The following PCYT1A variants were observed in gnomAD, a reference collection of about 807,000 sequenced individuals.
PCYT1A encodes choline-phosphate cytidylyltransferase A.
Under a neutral mutation model 43.7 loss-of-function variants are expected in PCYT1A, and 25 were observed. The ratio of observed to expected loss-of-function variants is 0.57; its 90% CI spans 0.42 to 0.80. The LOEUF (loss-of-function observed/expected upper bound fraction) is 0.80. Ranked by LOEUF, PCYT1A falls within the 30% of genes least tolerant of loss-of-function variation. PCYT1A has a pLI of 0.00. For missense variants in PCYT1A, 421 were observed against 474.2 expected, an observed-to-expected ratio of 0.89 and a Z score of 1.04; for synonymous variants, 172 against 170.7, an observed-to-expected ratio of 1.01 and a Z score of -0.06.
intron 5 of PCYT1A, among the ~76,000 whole-genome samples, chr3:196,243,424 C>G (rs985974973): frequency 2.6e-5 from 4 of 152,174 alleles, no homozygotes; most frequent in African/African-American, 7.2e-5. Flanking sequence ...CAACCACGAG[C>G]CCTCTGACTG....
In PCYT1A at chr3:196,242,884, C is replaced by G. The variant is rs191886628; in HGVS notation, c.487-244G>C. Reference sequence around the variant, plus strand: ...AGCTATTTCTCCTAGTCTGCTAGAACTGTTACCCTCACTCTGTATACCAGT... The same window carrying G: ...AGCTATTTCTCCTAGTCTGCTAGAAGTGTTACCCTCACTCTGTATACCAGT... On this transcript the variant is annotated intron_variant, in intron 5 of 8. Coordinates refer to ENST00000431016, the MANE Select transcript of PCYT1A (RefSeq NM_001312673.2). The surrounding 1 kb of genome is among the most constrained non-coding windows in gnomAD (Gnocchi z 4.2). 4.9e-4 allele frequency: 259 copies of G among 528,460 alleles called. 4 individuals carry two copies. Among genetic ancestry groups the G allele is most frequent in the African/African-American group, 4.4e-3 (231 of 52,358 alleles). The allele number at this position is 528,460 out of a possible 1,614,324, so 32.7% of individuals were successfully genotyped here.
In PCYT1A at chr3:196,268,124, TTA is replaced by T. The variant is rs775959225; in HGVS notation, c.117+2289_117+2290del. On this transcript the variant is annotated intron_variant, in intron 2 of 8. Coordinates refer to ENST00000431016, the MANE Select transcript of PCYT1A (RefSeq NM_001312673.2). This position sits in a 1 kb window ranked among gnomAD's most constrained non-coding sequence, Gnocchi z 4.4. ...AAGCATTAAGACTCCCCAGAAGAAT[TTA>T]AAAAAAAAAAAGATTCCCAGAGTCT... 1.6e-5 allele frequency among the ~76,000 whole-genome samples: 2 copies of T among 123,034 alleles called. No homozygotes were observed. Among genetic ancestry groups the T allele is most frequent in the African/African-American group, 3.3e-5 (1 of 30,170 alleles). 80.7% of individuals were successfully genotyped at this position (123,034 alleles called of 152,430 possible).
intron 1 of PCYT1A, among the ~76,000 whole-genome samples, chr3:196,285,815 G>A (rs993215902): frequency 6.6e-6 from 1 of 152,082 alleles, no homozygotes; most frequent in Non-Finnish European, 1.5e-5. Context: ...CATTCTCAAT[G>A]TCTTTTTACT....
chr3:196,268,476 C>A lies in PCYT1A; in HGVS notation c.117+1939G>T, dbSNP rs1337675060. 6.6e-6 allele frequency among the ~76,000 whole-genome samples: 1 copy of A among 152,118 alleles called. No homozygotes were observed. Among genetic ancestry groups the A allele is most frequent in the Non-Finnish European group, 1.5e-5 (1 of 68,022 alleles). ...TTCCCTGGAGCCTGTGACTGTTTTACCATACATGGCAAAAGAGACTCTGCA... is the reference window on the plus strand; with the variant it reads ...TTCCCTGGAGCCTGTGACTGTTTTAACATACATGGCAAAAGAGACTCTGCA... On this transcript the variant is annotated intron_variant, in intron 2 of 8. Transcript: ENST00000431016. The surrounding 1 kb of genome is among the most constrained non-coding windows in gnomAD (Gnocchi z 4.4).
rs112240741 is a variant in PCYT1A, at chr3:196,247,925, CA to C, written c.334+281del. ...CAAAATGATAAACTGAAATCTAAAG[CA>C]AATGTTTTAAAGTGGACAACGGAAG... On this transcript the variant is annotated intron_variant, in intron 4 of 8. Coordinates refer to ENST00000431016, the MANE Select transcript of PCYT1A (RefSeq NM_001312673.2). The surrounding 1 kb of genome is among the most constrained non-coding windows in gnomAD (Gnocchi z 4.8). 0.13 allele frequency: 67,544 copies of C among 501,364 alleles called. 5,065 individuals are homozygous for C. Among genetic ancestry groups the C allele is most frequent in the South Asian group, 0.2 (9,575 of 47,482 alleles). The allele number at this position is 501,364 out of a possible 1,614,324, so 31.1% of individuals were successfully genotyped here. A position where few individuals can be genotyped will look rare whatever the true frequency, so the allele number is the denominator to read the frequency against.
At chr3:196,243,540 G>A (rs1052892406) in intron 5 of PCYT1A, among the ~76,000 whole-genome samples, 1 of 139,800 alleles carries the variant, frequency 7.2e-6, no homozygotes, top group Non-Finnish European at 1.5e-5. Flanking sequence ...CTCTCCCCAC[G>A]GTCTCCCTCT....
In PCYT1A at chr3:196,247,791, G is replaced by C; in HGVS notation, c.335-273C>G. ...AGATCTTTGACTCTGAAATAAACCT[G>C]CTGTGCGTGTCTGCATCAATTAAGT... On this transcript the variant is annotated intron_variant, in intron 4 of 8. Coordinates refer to ENST00000431016, the MANE Select transcript of PCYT1A (RefSeq NM_001312673.2). The surrounding 1 kb of genome is among the most constrained non-coding windows in gnomAD (Gnocchi z 4.8). The C allele has an allele frequency of 1.6e-6, 1 of 607,236 alleles. No individual in the cohort carries two copies. The highest frequency in any genetic ancestry group is 3.0e-6 in the Non-Finnish European group (1 of 330,014). 37.6% of individuals were successfully genotyped at this position (607,236 alleles called of 1,614,324 possible).
At chr3:196,255,155 T>A (rs1724916626) in intron 3 of PCYT1A, among the ~76,000 whole-genome samples, 1 of 152,212 alleles carries the variant, frequency 6.6e-6, no homozygotes, top group Non-Finnish European at 1.5e-5. Context: ...TACTTGGTGA[T>A]TTAACATAAA....
rs143803501 is a variant in PCYT1A at position 196,281,605 on chromosome 3, C to G, written c.-11+6010G>C. Among the ~76,000 whole-genome samples the G allele has an allele frequency of 8.9e-4, 135 of 152,314 alleles. 1 individual carries two copies. Among genetic ancestry groups the G allele is most frequent in the African/African-American group, 3.1e-3 (127 of 41,568 alleles). The stretch of plus-strand genomic sequence containing the variant: ...TGACCTGCAAACCCTAAACTATTTA[C>G]AATCTGGCCCGTTACTGAAAAAGTT... On this transcript the variant is annotated intron_variant, in intron 1 of 8. Coordinates refer to ENST00000431016, the MANE Select transcript of PCYT1A (RefSeq NM_001312673.2).
chr3:196,282,126 C>G lies in PCYT1A; in HGVS notation c.-11+5489G>C, dbSNP rs1382856592. 6.6e-6 allele frequency among the ~76,000 whole-genome samples: 1 copy of G among 152,216 alleles called. No homozygotes were observed. The highest frequency in any genetic ancestry group is 2.4e-5 in the African/African-American group (1 of 41,464). ...AAGACCTTAGCTTTGAACTGGATCT[C>G]TTCCCTCTAATTTCGTCAGAGAAAC... is the stretch of plus-strand genomic sequence containing the variant. On this transcript the variant is annotated intron_variant, in intron 1 of 8. Transcript: ENST00000431016. The surrounding 1 kb of genome is among the most constrained non-coding windows in gnomAD (Gnocchi z 4.3).
rs1364619219 is a variant in PCYT1A at position 196,273,036 on chromosome 3, G to T, written c.-10-2495C>A. On this transcript the variant is annotated intron_variant, in intron 1 of 8. Transcript: ENST00000431016. The surrounding 1 kb of genome is among the most constrained non-coding windows in gnomAD (Gnocchi z 4.1). ...GAGGTGCACAGGCGAGCCAGCACAG[G>T]GTCCGGCCACTGCGCACAGCCAGGC... Among the ~76,000 whole-genome samples the T allele has an allele frequency of 6.6e-6, 1 of 152,212 alleles. No homozygotes were observed. Among genetic ancestry groups the T allele is most frequent in the African/African-American group, 2.4e-5 (1 of 41,458 alleles).
rs1724107703 is a variant in PCYT1A, at chr3:196,234,368, T to A, written c.*4320A>T. Reference sequence around the variant, plus strand: ...TAAAAACACCACTGGACATGGAACATCAGGTAAAACCACACTGCCTTTATT... The same window carrying A: ...TAAAAACACCACTGGACATGGAACAACAGGTAAAACCACACTGCCTTTATT... On this transcript the variant is annotated 3_prime_UTR_variant, in exon 9 of 9. Transcript: ENST00000431016. The A allele has an allele frequency of 6.6e-6, 1 of 152,092 alleles. No individual in the cohort carries two copies. Among genetic ancestry groups the A allele is most frequent in the Non-Finnish European group, 1.5e-5 (1 of 68,012 alleles). The allele number at this position is 152,092 out of a possible 1,614,324, so 9.4% of individuals were successfully genotyped here. A position where few individuals can be genotyped will look rare whatever the true frequency, so the allele number is the denominator to read the frequency against.
chr3:196,244,073 C>T (rs1393899279), intron 5 of PCYT1A, among the ~76,000 whole-genome samples: 7 of 150,304 alleles, frequency 4.7e-5, no homozygotes, highest in East Asian at 2.0e-4. Flanking sequence ...GGCCGCCCAT[C>T]GTCTGAGATG....
At chr3:196,257,664 C>G in intron 3 of PCYT1A, 124 bp downstream of exon 3, 1 of 597,638 alleles carries the variant, frequency 1.7e-6, no homozygotes, top group Non-Finnish European at 3.0e-6. Flanking sequence ...GAGAAGAACC[C>G]CTTCGCTGCT....
intron 2 of PCYT1A, among the ~76,000 whole-genome samples, chr3:196,269,717 T>C (rs946760957): frequency 2.0e-5 from 3 of 152,020 alleles, no homozygotes; most frequent in African/African-American, 7.3e-5. Context: ...AAAAAGGTTC[T>C]CATCTAAGAT....
At chr3:196,284,661 T>C (rs909000582) in intron 1 of PCYT1A, among the ~76,000 whole-genome samples, 2 of 152,170 alleles carry the variant, frequency 1.3e-5, no homozygotes, top group African/African-American at 4.8e-5. Context: ...AAAACCCCAC[T>C]GCTTATGGGA....
rs903068270 is a variant in PCYT1A at position 196,236,394 on chromosome 3, A to C, written c.*2294T>G. On this transcript the variant is annotated 3_prime_UTR_variant, in exon 9 of 9. Coordinates refer to ENST00000431016, the MANE Select transcript of PCYT1A (RefSeq NM_001312673.2). ...CAAAGAGAGAAGGCTGACGCAGAAA[A>C]GTTCAAAGATGAGACTATGTAACAC... 1.3e-5 allele frequency: 2 copies of C among 152,290 alleles called. No homozygotes were observed. Among genetic ancestry groups the C allele is most frequent in the East Asian group, 3.8e-4 (2 of 5,206 alleles). The allele number at this position is 152,290 out of a possible 1,614,324, so 9.4% of individuals were successfully genotyped here.
Position 196,277,731 on chromosome 3 carries a change from C to T in PCYT1A, c.-10-7190G>A, listed in dbSNP as rs1442029841. On this transcript the variant is annotated intron_variant, in intron 1 of 8. Transcript: ENST00000431016. The surrounding 1 kb of genome is among the most constrained non-coding windows in gnomAD (Gnocchi z 4.1). ...ACTAAAAATACAAAAATTAGCTGAG[C>T]GTGGTGGCATGCACCTGTAATCCCA... is the stretch of plus-strand genomic sequence containing the variant. Among the ~76,000 whole-genome samples the T allele has an allele frequency of 1.3e-5, 2 of 151,990 alleles. No homozygotes were observed. Among genetic ancestry groups the T allele is most frequent in the African/African-American group, 2.4e-5 (1 of 41,418 alleles).
At position 196,247,524 on chromosome 3, in the gene PCYT1A, TCAC is replaced by T. The variant is rs746513301; in HGVS notation, c.335-9_335-7del. The T allele has an allele frequency of 8.7e-6, 14 of 1,613,866 alleles. No individual in the cohort carries two copies. The highest frequency in any genetic ancestry group is 4.5e-5 in the East Asian group (2 of 44,898). ...TGTGAGCTCATCACTGCAAACTGGT[TCAC>T]CACATCATAAATTGTGTGTTGGAGT... On this transcript the variant is annotated splice_polypyrimidine_tract_variant and splice_region_variant and intron_variant, in intron 4 of 8. Coordinates refer to ENST00000431016, the MANE Select transcript of PCYT1A (RefSeq NM_001312673.2). The surrounding 1 kb of genome is among the most constrained non-coding windows in gnomAD (Gnocchi z 4.8).
Sources: gnomAD v4.1 joint callset for allele counts (sites outside exome capture counted in the v4.1 genomes callset) on GRCh38, gnomAD v4.1.1 for gene constraint, Gnocchi (gnomAD v3.1) non-coding constraint, MANE v1.5 for transcripts, NCBI Gene and HGNC (gene_info 2026-07-23, HGNC 2026-07-21) for gene names.